ROBO1: variants seen among roughly 807,000 people sequenced by gnomAD.
The protein encoded by ROBO1 is roundabout homolog 1.
In ROBO1, 149 loss-of-function variants were observed where a neutral mutation model predicts 195.9. The ratio of observed to expected loss-of-function variants is 0.76; its 90% CI spans 0.67 to 0.87. The LOEUF (loss-of-function observed/expected upper bound fraction) is 0.87, where lower values mean the gene tolerates loss of function less well. Among genes scored for constraint, ROBO1 ranks in the 40% least tolerant of loss-of-function variants. The probability of loss-of-function intolerance (pLI) is 0.00; values close to 1 mark genes in which losing one functional copy is unlikely to be tolerated. For synonymous variants in ROBO1, 816 were observed against 733.2 expected (o/e 1.11, Z -1.82); for missense variants, 1,933 against 2,068.3 (o/e 0.93, Z 1.27).
chr3:79,680,802 A>G (rs1946923359), intron 1 of ROBO1, among the ~76,000 whole-genome samples: 1 of 152,014 alleles, frequency 6.6e-6, no homozygotes, highest in African/African-American at 2.4e-5. Context: ...CATGAAGGTG[A>G]GTGGCTATTT....
chr3:79,560,020 T>G (rs1179524818), intron 2 of ROBO1, among the ~76,000 whole-genome samples: 1 of 152,138 alleles, frequency 6.6e-6, no homozygotes, highest in Non-Finnish European at 1.5e-5. Context: ...TACTTTATGT[T>G]AAAAAGAAGG....
intron 3 of ROBO1, among the ~76,000 whole-genome samples, chr3:79,118,376 G>C (rs1451640900): frequency 6.6e-6 from 1 of 151,786 alleles, no homozygotes; most frequent in Non-Finnish European, 1.5e-5. Context: ...CACTACTGTA[G>C]CTGCTACAAC....
At chr3:78,938,020 T>C (rs2107681476) in intron 4 of ROBO1, 1 of 154,750 alleles carries the variant, frequency 6.5e-6, no homozygotes, top group South Asian at 2.0e-4. Flanking sequence ...TGTGTGTGTG[T>C]GTGTGTGTGT....
chr3:78,693,270 T>C, intron 8 of ROBO1: 1 of 1,538,426 alleles, frequency 6.5e-7, no homozygotes, highest in South Asian at 1.2e-5. Flanking sequence ...CATGGAAGGG[T>C]ATGGATGGAA....
At chr3:78,721,719 A>G (rs1460037058) in intron 5 of ROBO1, among the ~76,000 whole-genome samples, 2 of 152,220 alleles carry the variant, frequency 1.3e-5, no homozygotes, top group Admixed American at 6.5e-5. Flanking sequence ...TAACATATAA[A>G]TAATTTGCAA....
intron 3 of ROBO1, among the ~76,000 whole-genome samples, chr3:79,124,145 C>T (rs1425035227): frequency 6.6e-6 from 1 of 152,066 alleles, no homozygotes; most frequent in Admixed American, 6.6e-5. Flanking sequence ...TAAGGGATAA[C>T]ATTTACAACT....
chr3:78,910,603 G>T (rs1302671209), intron 4 of ROBO1, among the ~76,000 whole-genome samples: 1 of 151,914 alleles, frequency 6.6e-6, no homozygotes, highest in Admixed American at 6.6e-5. Context: ...GGATTAGGAT[G>T]GAGAGAAATG....
At chr3:79,725,223 CTTT>C (rs35418345) in intron 1 of ROBO1, among the ~76,000 whole-genome samples, 5 of 106,512 alleles carry the variant, frequency 4.7e-5, no homozygotes, top group African/African-American at 1.8e-4. Flanking sequence ...CTCTCTTCTT[CTTT>C]TTTTTTTTTT....
intron 3 of ROBO1, among the ~76,000 whole-genome samples, chr3:79,012,224 G>A (rs868317657): frequency 6.6e-6 from 1 of 152,168 alleles, no homozygotes; most frequent in South Asian, 2.1e-4. Context: ...GTATTATTAG[G>A]AACCAAAACC....
At chr3:78,778,169 TC>T (rs1381644377) in intron 4 of ROBO1, among the ~76,000 whole-genome samples, 2 of 152,214 alleles carry the variant, frequency 1.3e-5, no homozygotes, top group Non-Finnish European at 2.9e-5. Context: ...CGGCCTTGCA[TC>T]CCAGGGATGA....
At chr3:79,713,747 A>G (rs1702368974) in intron 1 of ROBO1, among the ~76,000 whole-genome samples, 1 of 152,080 alleles carries the variant, frequency 6.6e-6, no homozygotes, top group African/African-American at 2.4e-5. Flanking sequence ...TAAGTCTTTA[A>G]TCCATCTTGA....
intron 3 of ROBO1, among the ~76,000 whole-genome samples, chr3:79,088,894 T>C (rs1036203239): frequency 9.9e-5 from 15 of 152,048 alleles, no homozygotes; most frequent in African/African-American, 3.6e-4. Flanking sequence ...ATAAACCTTA[T>C]GGGAACAAAA....
At chr3:78,674,298 T>C (rs1251665552) in intron 10 of ROBO1, among the ~76,000 whole-genome samples, 2 of 152,218 alleles carry the variant, frequency 1.3e-5, no homozygotes, top group Non-Finnish European at 2.9e-5. Context: ...TGTTTGATTC[T>C]GCCTTTGTCT....
chr3:78,649,197 A>C (rs1336032357), intron 19 of ROBO1, among the ~76,000 whole-genome samples: 1 of 152,060 alleles, frequency 6.6e-6, no homozygotes, highest in Admixed American at 6.6e-5. Context: ...CCTGAACATT[A>C]ATTTGCAATC....
chr3:78,617,820 A>G lies in ROBO1; in HGVS notation c.4097T>C (p.Val1366Ala), dbSNP rs1575783298. ...CCAGCCGTTGATCATGGACCCCGTG[A>G]CAGAGCTCTCCAGGTCCCCAACACT... The part of the protein sequence containing the change: ...ASSVGDLESS[V>A]TGSMINGWGS... The change falls in exon 27 of 31, where the codon GTC (valine) becomes GCC (alanine). Residue 1366 changes from valine to alanine, a missense_variant. Coordinates refer to ENST00000464233, the MANE Select transcript of ROBO1 (RefSeq NM_002941.4). 1.9e-6 allele frequency: 3 copies of G among 1,613,910 alleles called. No individual in the cohort carries two copies. Among genetic ancestry groups the G allele is most frequent in the South Asian group, 1.1e-5 (1 of 91,086 alleles).
At chr3:79,001,939 T>G (rs2077515202) in intron 3 of ROBO1, among the ~76,000 whole-genome samples, 1 of 152,168 alleles carries the variant, frequency 6.6e-6, no homozygotes, top group Admixed American at 6.6e-5. Context: ...ATGCTTTTTT[T>G]TAGAAAGTTA....
chr3:79,372,751 G>A (rs1482201371), intron 2 of ROBO1, among the ~76,000 whole-genome samples: 1 of 152,014 alleles, frequency 6.6e-6, no homozygotes. Flanking sequence ...AGAACTGTGA[G>A]AAAATACATT....
At chr3:79,080,191 A>G (rs895532133) in intron 3 of ROBO1, among the ~76,000 whole-genome samples, 3 of 151,878 alleles carry the variant, frequency 2.0e-5, no homozygotes, top group Non-Finnish European at 4.4e-5. Context: ...CATATAAATC[A>G]TTATTTTTAA....
At position 78,670,185 on chromosome 3, in the gene ROBO1, G is replaced by C. The variant is rs767422446; in HGVS notation, c.1459C>G (p.Leu487Val). Reference protein sequence around the residue: ...VATGSPVPTILWRKDGVLVST... With the variant: ...VATGSPVPTIVWRKDGVLVST... Reference sequence around the variant, plus strand: ...ACGAGGACTCCATCCTTTCTCCACAGAATGGTGGGCACTGGACTGCCTGTG... The same window carrying C: ...ACGAGGACTCCATCCTTTCTCCACACAATGGTGGGCACTGGACTGCCTGTG... The change falls in exon 11 of 31, where the codon CTG becomes GTG. Residue 487 changes from leucine to valine, a missense_variant. Physicochemically the swap from Leu to Val is conservative, Grantham distance 32 (BLOSUM62 1). Coordinates refer to ENST00000464233, the MANE Select transcript of ROBO1 (RefSeq NM_002941.4). The C allele has an allele frequency of 5.6e-6, 9 of 1,612,198 alleles. No homozygotes were observed. The highest frequency in any genetic ancestry group is 7.6e-6 in the Non-Finnish European group (9 of 1,179,196).
Sources: gnomAD v4.1 joint callset for allele counts (sites outside exome capture counted in the v4.1 genomes callset) on GRCh38, gnomAD v4.1.1 for gene constraint, MANE v1.5 for transcripts, NCBI Gene and HGNC (gene_info 2026-07-23, HGNC 2026-07-21) for gene names.